RBFOX3: variants seen among roughly 807,000 people sequenced by gnomAD.
RBFOX3 encodes RNA binding protein fox-1 homolog 3.
In RBFOX3, 17 loss-of-function variants were observed where a neutral mutation model predicts 48.7. The observed-to-expected ratio is 0.35, with a 90% CI of 0.24 to 0.52. RBFOX3 has a LOEUF of 0.52. RBFOX3 is among the 20% of genes least tolerant of loss of function. The probability of loss-of-function intolerance (pLI) is 0.94; values close to 1 mark genes in which losing one functional copy is unlikely to be tolerated. For missense variants in RBFOX3, 382 were observed against 497.5 expected, an observed-to-expected ratio of 0.77 and a Z score of 2.21; for synonymous variants, 212 against 209.5, an observed-to-expected ratio of 1.01 and a Z score of -0.10.
intron 4 of RBFOX3, among the ~76,000 whole-genome samples, chr17:79,190,457 A>C (rs1333801067): frequency 7.3e-6 from 1 of 137,114 alleles, no homozygotes; most frequent in East Asian, 2.1e-4. Context: ...AAGAAGAAGA[A>C]AGGAGTCCTC....
At chr17:79,289,663 C>A (rs1302782467) in intron 3 of RBFOX3, among the ~76,000 whole-genome samples, 1 of 152,250 alleles carries the variant, frequency 6.6e-6, no homozygotes, top group East Asian at 1.9e-4. Context: ...CCTTTGGCAT[C>A]ATCTTTAAAG....
chr17:79,208,424 C>G (rs2147040431), intron 4 of RBFOX3: 1 of 152,404 alleles, frequency 6.6e-6, no homozygotes, highest in Middle Eastern at 3.4e-3. Flanking sequence ...AAGGTTGGGT[C>G]AAGGAAGAGA....
chr17:79,121,681 G>A (rs540357336), intron 4 of RBFOX3, among the ~76,000 whole-genome samples: 3 of 152,224 alleles, frequency 2.0e-5, no homozygotes, highest in East Asian at 1.9e-4. Context: ...TGGCTGCACT[G>A]CCCCACTCTC....
chr17:79,430,542 G>A (rs980170881), intron 2 of RBFOX3, among the ~76,000 whole-genome samples: 3 of 152,034 alleles, frequency 2.0e-5, no homozygotes, highest in East Asian at 1.9e-4. Context: ...TACTGTGCTC[G>A]ACTAATATTA....
chr17:79,511,945 C>T (rs1555781459), intron 1 of RBFOX3, among the ~76,000 whole-genome samples: 31 of 146,136 alleles, frequency 2.1e-4, no homozygotes, highest in Middle Eastern at 3.9e-3. Context: ...CCATCGGATA[C>T]AGCCCCATGG....
chr17:79,437,952 GCA>G (rs2069904024), intron 2 of RBFOX3, among the ~76,000 whole-genome samples: 1 of 152,082 alleles, frequency 6.6e-6, no homozygotes, highest in African/African-American at 2.4e-5. Flanking sequence ...ATACATGCAT[GCA>G]CAGAGGGGCA....
chr17:79,199,269 C>T lies in RBFOX3; in HGVS notation c.-34+36497G>A, dbSNP rs922126216. ...GCCCCCCACCCTCGGCAGCACCACCCACCAGCCCCTTCCGGTGGACTTCAC... is the reference window on the plus strand; with the variant it reads ...GCCCCCCACCCTCGGCAGCACCACCTACCAGCCCCTTCCGGTGGACTTCAC... On this transcript the variant is annotated intron_variant, in intron 4 of 14. Transcript: ENST00000693108. The surrounding 1 kb of genome is among the most constrained non-coding windows in gnomAD (Gnocchi z 5.1). Among the ~76,000 whole-genome samples the T allele has an allele frequency of 6.6e-6, 1 of 152,190 alleles. No homozygotes were observed. The highest frequency in any genetic ancestry group is 2.4e-5 in the African/African-American group (1 of 41,452).
intron 4 of RBFOX3, among the ~76,000 whole-genome samples, chr17:79,147,410 G>A (rs1307687999): frequency 6.6e-6 from 1 of 152,264 alleles, no homozygotes; most frequent in African/African-American, 2.4e-5. Context: ...AAGCCTGGAA[G>A]AGGCTGTAAA....
At chr17:79,617,935 G>A in the RBFOX3 span, among the ~76,000 whole-genome samples, 2 of 152,336 alleles carry the variant, frequency 1.3e-5, no homozygotes, top group Non-Finnish European at 2.9e-5. Context: ...GCGCATCTGC[G>A]ATGTCACATG....
At chr17:79,188,065 G>C (rs1269803361) in intron 4 of RBFOX3, among the ~76,000 whole-genome samples, 1 of 152,232 alleles carries the variant, frequency 6.6e-6, no homozygotes, top group East Asian at 1.9e-4. Context: ...AGCCGGCAGA[G>C]GGTCCCTGCA....
intron 4 of RBFOX3, among the ~76,000 whole-genome samples, chr17:79,131,505 T>C (rs1029263485): frequency 4.6e-5 from 7 of 152,216 alleles, no homozygotes; most frequent in African/African-American, 1.4e-4. Context: ...CAGGCCTTCC[T>C]GTTAAGCGTC....
chr17:79,517,301 C>T (rs1448096561), intron 1 of RBFOX3, among the ~76,000 whole-genome samples: 5 of 151,824 alleles, frequency 3.3e-5, no homozygotes, highest in African/African-American at 7.3e-5. Context: ...AAAAATTAGC[C>T]GGGCATGGTG....
chr17:79,131,120 C>T (rs999847259), intron 4 of RBFOX3, among the ~76,000 whole-genome samples: 3 of 151,470 alleles, frequency 2.0e-5, no homozygotes, highest in Non-Finnish European at 2.9e-5. Flanking sequence ...ATGTGCGCCC[C>T]GTGTGTGCTG....
chr17:79,647,435 G>A, the RBFOX3 span, among the ~76,000 whole-genome samples: 1 of 152,180 alleles, frequency 6.6e-6, no homozygotes, highest in African/African-American at 2.4e-5. Context: ...ACTCATGTCA[G>A]CAATGCCTCC....
the RBFOX3 span, among the ~76,000 whole-genome samples, chr17:79,633,633 C>T: frequency 6.6e-6 from 1 of 152,066 alleles, no homozygotes; most frequent in Non-Finnish European, 1.5e-5. Context: ...TCTGTGTGCT[C>T]CACACCCTGA....
At chr17:79,224,268 A>G (rs979616961) in intron 4 of RBFOX3, among the ~76,000 whole-genome samples, 3 of 152,154 alleles carry the variant, frequency 2.0e-5, no homozygotes, top group Non-Finnish European at 4.4e-5. Flanking sequence ...GCCAGCTGTC[A>G]TGGTCAGGAA....
At chr17:79,386,311 G>C (rs888907548) in intron 2 of RBFOX3, among the ~76,000 whole-genome samples, 6 of 148,658 alleles carry the variant, frequency 4.0e-5, no homozygotes, top group African/African-American at 1.5e-4. Context: ...CACCTCCCAT[G>C]ACAGAAGGAG....
chr17:79,463,565 A>T (rs1260152870), intron 2 of RBFOX3, among the ~76,000 whole-genome samples: 2 of 134,546 alleles, frequency 1.5e-5, no homozygotes, highest in Non-Finnish European at 3.1e-5. Context: ...TGACACCTCC[A>T]CCACCATCGC....
chr17:79,210,282 C>T (rs1219504019), intron 4 of RBFOX3, among the ~76,000 whole-genome samples: 1 of 152,178 alleles, frequency 6.6e-6, no homozygotes, highest in African/African-American at 2.4e-5. Flanking sequence ...GAGTTGGACC[C>T]CCGGCGTCTT....
Sources: gnomAD v4.1 joint callset for allele counts (sites outside exome capture counted in the v4.1 genomes callset) on GRCh38, gnomAD v4.1.1 for gene constraint, Gnocchi (gnomAD v3.1) non-coding constraint, MANE v1.5 for transcripts, NCBI Gene and HGNC (gene_info 2026-07-23, HGNC 2026-07-21) for gene names.